The following LTAP1 variants were observed in gnomAD, a reference collection of about 807,000 sequenced individuals.
The protein encoded by LTAP1 is lipid transport auxiliary protein 1.
At chr1:154,212,145 C>T in the LTAP1 span, 5 of 728,172 alleles carry the variant, frequency 6.9e-6, no homozygotes, top group African/African-American at 5.2e-5. Flanking sequence ...GCGTGAACCA[C>T]TGTGCCCGGC....
At chr1:154,220,147 G>A in the LTAP1 span, 13 of 754,736 alleles carry the variant, frequency 1.7e-5, no homozygotes, top group Admixed American at 3.1e-4. Context: ...TAGCGTTAAA[G>A]GGAGGGTTCT....
the LTAP1 span, chr1:154,219,835 C>T: frequency 6.2e-7 from 1 of 1,603,212 alleles, no homozygotes; most frequent in Non-Finnish European, 8.5e-7. Flanking sequence ...TAAGGACCTA[C>T]CTTGGGGGCA....
At chr1:154,220,529 G>A in the LTAP1 span, 2 of 1,072,364 alleles carry the variant, frequency 1.9e-6, no homozygotes, top group East Asian at 2.4e-5. Context: ...TCCTTACGGG[G>A]GAAGACCAAG....
chr1:154,215,335 G>C, the LTAP1 span, among the ~76,000 whole-genome samples: 1 of 152,160 alleles, frequency 6.6e-6, no homozygotes, highest in Non-Finnish European at 1.5e-5. Context: ...GGGAGGCCGA[G>C]GTGGGTGGAT....
chr1:154,211,709 C>T, the LTAP1 span: 1 of 152,798 alleles, frequency 6.5e-6, no homozygotes, highest in Non-Finnish European at 1.5e-5. Flanking sequence ...GAAGGAATCC[C>T]TGTGTGTGCT....
the LTAP1 span, among the ~76,000 whole-genome samples, chr1:154,209,088 T>C: frequency 6.6e-6 from 1 of 152,192 alleles, no homozygotes; most frequent in Admixed American, 6.6e-5. Context: ...AAAATACATG[T>C]AACATAAAAT....
chr1:154,213,778 T>A, the LTAP1 span: 1 of 745,940 alleles, frequency 1.3e-6, no homozygotes, highest in Non-Finnish European at 2.2e-6. Context: ...TAGAATTTCC[T>A]ACTAGCCAGG....
At chr1:154,208,494 A>C in the LTAP1 span, 1 of 152,168 alleles carries the variant, frequency 6.6e-6, no homozygotes, top group African/African-American at 2.4e-5. Flanking sequence ...CTCATACCAA[A>C]AACAACTAGC....
chr1:154,215,525 C>T, the LTAP1 span, among the ~76,000 whole-genome samples: 330 of 150,018 alleles, frequency 2.2e-3, 5 homozygotes, highest in Admixed American at 0.02. Context: ...GAGATTGCGC[C>T]ACTGCACTCC....
chr1:154,209,039 T>G, the LTAP1 span, among the ~76,000 whole-genome samples: 2 of 152,174 alleles, frequency 1.3e-5, no homozygotes, highest in Admixed American at 6.5e-5. Flanking sequence ...TGAGCCACCA[T>G]GCCTGGCCTT....
At chr1:154,220,375 C>A in the LTAP1 span, 1 of 1,614,260 alleles carries the variant, frequency 6.2e-7, no homozygotes, top group Non-Finnish European at 8.5e-7. Context: ...GCACGACATT[C>A]ACCCCGGAGA....
At chr1:154,219,583 G>C in the LTAP1 span, among the ~76,000 whole-genome samples, 2 of 152,156 alleles carry the variant, frequency 1.3e-5, no homozygotes, top group African/African-American at 4.8e-5. Context: ...CAAACAGTTG[G>C]GAACTTCGAC....
At chr1:154,213,364 G>A in the LTAP1 span, 1 of 152,956 alleles carries the variant, frequency 6.5e-6, no homozygotes, top group East Asian at 1.9e-4. Flanking sequence ...GGGAGATTCT[G>A]ATTGAGACCA....
chr1:154,212,571 A>T, the LTAP1 span: 1 of 1,614,188 alleles, frequency 6.2e-7, no homozygotes. Flanking sequence ...TAGGAGCGGA[A>T]ATTCTTGCCC....
the LTAP1 span, among the ~76,000 whole-genome samples, chr1:154,209,836 C>T: frequency 6.6e-6 from 1 of 152,102 alleles, no homozygotes; most frequent in Non-Finnish European, 1.5e-5. Flanking sequence ...ATGAACCGCC[C>T]GCCTCGGCCT....
At chr1:154,219,043 T>A in the LTAP1 span, among the ~76,000 whole-genome samples, 1,016 of 152,316 alleles carry the variant, frequency 6.7e-3, 17 homozygotes, top group African/African-American at 0.023. Context: ...TGGGTCCCAG[T>A]GATCTGGGGA....
At chr1:154,207,484 T>A in the LTAP1 span, 1 of 1,614,148 alleles carries the variant, frequency 6.2e-7, no homozygotes, top group Non-Finnish European at 8.5e-7. Context: ...GTTATAGTTA[T>A]CCTTAAAGCT....
At chr1:154,212,692 G>C in the LTAP1 span, 1 of 1,564,622 alleles carries the variant, frequency 6.4e-7, no homozygotes, top group Non-Finnish European at 8.7e-7. Context: ...ATGGAGTCTC[G>C]CTCTGTCACC....
the LTAP1 span, among the ~76,000 whole-genome samples, chr1:154,217,596 G>A: frequency 6.6e-6 from 1 of 152,014 alleles, no homozygotes; most frequent in African/African-American, 2.4e-5. Context: ...GCAGTGGTTT[G>A]ATCTCAGCTT....
Sources: allele counts gnomAD v4.1 joint callset (sites outside exome capture counted in the v4.1 genomes callset), GRCh38; gene constraint gnomAD v4.1.1; transcripts MANE v1.5; gene names NCBI Gene and HGNC (gene_info 2026-07-23, HGNC 2026-07-21).